The following FIGN variants were observed in gnomAD, a reference collection of about 807,000 sequenced individuals.
FIGN encodes fidgetin.
In FIGN, 11 loss-of-function variants were observed where a neutral mutation model predicts 51.3. The ratio of observed to expected loss-of-function variants is 0.21; its 90% confidence interval spans 0.13 to 0.35. The LOEUF (loss-of-function observed/expected upper bound fraction) is 0.35, where lower values mean the gene tolerates loss of function less well. Ranked by LOEUF, FIGN falls within the 10% of genes least tolerant of loss-of-function variation. The probability of loss-of-function intolerance (pLI) is 1.00; values close to 1 mark genes in which losing one functional copy is unlikely to be tolerated. For synonymous variants in FIGN, 407 were observed against 363.2 expected, an observed-to-expected ratio of 1.12 and a Z score of -1.37; for missense variants, 857 against 943.6, an observed-to-expected ratio of 0.91 and a Z score of 1.20.
intron 2 of FIGN, among the ~76,000 whole-genome samples, chr2:163,665,217 T>C (rs1214297414): frequency 6.6e-6 from 1 of 152,232 alleles, no homozygotes. Flanking sequence ...AGGGACTATA[T>C]ATCCAGGGAG....
In FIGN at chr2:163,610,399, G is replaced by A; in HGVS notation, c.1433C>T (p.Thr478Ile). 6.2e-7 allele frequency: 1 copy of A among 1,614,148 alleles called. No homozygotes were observed. The highest frequency in any genetic ancestry group is 8.5e-7 in the Non-Finnish European group (1 of 1,180,026). The change falls in exon 3 of 3, where the codon ACC becomes ATC. Residue 478 changes from threonine (T) to isoleucine (I), a missense_variant. By Grantham distance (89) the Thr-to-Ile change is moderately conservative. Transcript: ENST00000333129. ...ATTCCAGTCCACTGGAGGTCCTTGG[G>A]TGATAATCTCATTGGTTACCAGGTC... ...LIDLVTNEII[T>I]QGPPVDWNDI...
At position 163,730,563 on chromosome 2, in the gene FIGN, T is replaced by C. The variant is rs1490449557; in HGVS notation, c.25+4340A>G. Among the ~76,000 whole-genome samples, 5 of 151,798 alleles carry C rather than the reference T, an allele frequency of 3.3e-5. No homozygotes were observed. In the East Asian group the frequency reaches 9.7e-4, roughly 29 times the overall value. ...GAATTGAAAGGCAGAATTTTGGGAC[T>C]TGTAAGCTTCTAAGTGGTACCCCCA... On this transcript the variant is annotated intron_variant, in intron 2 of 2. Transcript: ENST00000333129.
At chr2:163,611,911 T>TA (rs1169331142) in intron 2 of FIGN, 105 bp from the exon 3 acceptor site, 3 of 698,220 alleles carry the variant, frequency 4.3e-6, no homozygotes, top group Non-Finnish European at 4.4e-6. Context: ...CCATTAATGA[T>TA]ATGCATACTT....
intron 2 of FIGN, among the ~76,000 whole-genome samples, chr2:163,725,736 CA>C (rs1191598059): frequency 6.6e-6 from 1 of 151,634 alleles, no homozygotes; most frequent in Non-Finnish European, 1.5e-5. Flanking sequence ...AAAAAGTAAA[CA>C]AAAAAGGCAT....
chr2:163,666,310 A>G (rs890746279), intron 2 of FIGN, among the ~76,000 whole-genome samples: 11 of 152,168 alleles, frequency 7.2e-5, no homozygotes, highest in Admixed American at 1.3e-4. Flanking sequence ...CGCCTTCCTC[A>G]AGCATTCCTT....
At chr2:163,684,671 G>C (rs1684117351) in intron 2 of FIGN, among the ~76,000 whole-genome samples, 1 of 152,202 alleles carries the variant, frequency 6.6e-6, no homozygotes. Flanking sequence ...TCTCCTCTAT[G>C]AACCACAGGG....
chr2:163,631,696 C>T (rs1683147857), intron 2 of FIGN, among the ~76,000 whole-genome samples: 1 of 152,108 alleles, frequency 6.6e-6, no homozygotes, highest in South Asian at 2.1e-4. Context: ...TTCAAATGTA[C>T]CCCCTACTAG....
At chr2:163,733,335 T>C (rs1325794534) in intron 2 of FIGN, among the ~76,000 whole-genome samples, 1 of 152,324 alleles carries the variant, frequency 6.6e-6, no homozygotes, top group East Asian at 1.9e-4. Context: ...ATGATTATTA[T>C]TAGTACTACC....
At chr2:163,689,232 G>A (rs1477772201) in intron 2 of FIGN, among the ~76,000 whole-genome samples, 1 of 144,612 alleles carries the variant, frequency 6.9e-6, no homozygotes, top group East Asian at 2.1e-4. Flanking sequence ...ATTATGAGAG[G>A]CTGGAGCAAA....
At chr2:163,681,886 C>A (rs1344698643) in intron 2 of FIGN, among the ~76,000 whole-genome samples, 1 of 152,014 alleles carries the variant, frequency 6.6e-6, no homozygotes, top group Non-Finnish European at 1.5e-5. Flanking sequence ...ACTCTTTTTT[C>A]TTCAAAAGAC....
chr2:163,650,412 CT>C (rs1441200571), intron 2 of FIGN, among the ~76,000 whole-genome samples: 1 of 151,710 alleles, frequency 6.6e-6, no homozygotes, highest in Admixed American at 6.6e-5. Context: ...TAAAATTATA[CT>C]TTAAGTTCTG....
At chr2:163,613,602 G>A (rs1410215413) in intron 2 of FIGN, among the ~76,000 whole-genome samples, 40 of 152,166 alleles carry the variant, frequency 2.6e-4, no homozygotes, top group Admixed American at 2.6e-3. Flanking sequence ...CCAGACACTG[G>A]AAGTTAATTA....
At chr2:163,691,325 TAAAG>T (rs1250314093) in intron 2 of FIGN, among the ~76,000 whole-genome samples, 1 of 151,854 alleles carries the variant, frequency 6.6e-6, no homozygotes, top group African/African-American at 2.4e-5. Context: ...GAAAAGAAAA[TAAAG>T]AAAAGAAAAT....
chr2:163,698,359 T>C (rs1170399231), intron 2 of FIGN, among the ~76,000 whole-genome samples: 1 of 152,014 alleles, frequency 6.6e-6, no homozygotes, highest in African/African-American at 2.4e-5. Context: ...TGGCCTGTGG[T>C]CATTACCTGC....
intron 2 of FIGN, among the ~76,000 whole-genome samples, chr2:163,696,542 C>G (rs923225589): frequency 6.6e-6 from 1 of 152,090 alleles, no homozygotes; most frequent in Non-Finnish European, 1.5e-5. Flanking sequence ...TGTGGAGATT[C>G]AACATTAATT....
At chr2:163,672,273 C>A (rs1428609918) in intron 2 of FIGN, among the ~76,000 whole-genome samples, 1 of 149,922 alleles carries the variant, frequency 6.7e-6, no homozygotes, top group Non-Finnish European at 1.5e-5. Context: ...AAAACTACTT[C>A]GTTGATTTTG....
intron 2 of FIGN, among the ~76,000 whole-genome samples, chr2:163,647,964 A>C (rs1683408959): frequency 1.3e-5 from 2 of 152,174 alleles, no homozygotes; most frequent in East Asian, 3.9e-4. Context: ...TAGATTAATA[A>C]GTGCAAAAGG....
chr2:163,719,629 C>G (rs1684723212), intron 2 of FIGN, among the ~76,000 whole-genome samples: 1 of 152,174 alleles, frequency 6.6e-6, no homozygotes, highest in Non-Finnish European at 1.5e-5. Flanking sequence ...GGTTACCAAT[C>G]ATTATTTTCC....
chr2:163,667,111 G>A (rs1368410694), intron 2 of FIGN, among the ~76,000 whole-genome samples: 2 of 151,854 alleles, frequency 1.3e-5, no homozygotes, highest in Non-Finnish European at 2.9e-5. Flanking sequence ...AGAAATAGAA[G>A]GCCTGTTATC....
Sources: gnomAD v4.1 joint callset for allele counts (sites outside exome capture counted in the v4.1 genomes callset) on GRCh38, gnomAD v4.1.1 for gene constraint, MANE v1.5 for transcripts, NCBI Gene and HGNC (gene_info 2026-07-23, HGNC 2026-07-21) for gene names.